PLCZ1: variants seen among roughly 807,000 people sequenced by gnomAD.
PLCZ1 encodes phospholipase C zeta 1, also known as 1-phosphatidylinositol 4,5-bisphosphate phosphodiesterase zeta-1.
In PLCZ1, 64 loss-of-function variants were observed where a neutral mutation model predicts 76.8. The ratio of observed to expected loss-of-function variants is 0.83; its 90% confidence interval spans 0.68 to 1.03. PLCZ1 has a LOEUF of 1.03. Among genes scored for constraint, PLCZ1 ranks in the 50% least tolerant of loss-of-function variants. PLCZ1 has a pLI of 0.00. For synonymous variants in PLCZ1, 248 were observed against 230.8 expected (o/e 1.07, Z -0.68); for missense variants, 751 against 713.7 (o/e 1.05, Z -0.60).
At chr12:18,722,781 C>A (rs1958514602) in intron 4 of PLCZ1, among the ~76,000 whole-genome samples, 1 of 151,800 alleles carries the variant, frequency 6.6e-6, no homozygotes, top group Non-Finnish European at 1.5e-5. Flanking sequence ...AAATGAAGAA[C>A]AAGCGAAAAG....
chr12:18,719,676 C>G, intron 4 of PLCZ1, 44 bp from the exon 5 acceptor site: 5 of 1,373,346 alleles, frequency 3.6e-6, no homozygotes, highest in Non-Finnish European at 5.0e-6. Context: ...GCAAAAATAC[C>G]ATTAGCAAGA....
At chr12:18,659,299 T>C in the PLCZ1 span, among the ~76,000 whole-genome samples, 2 of 152,266 alleles carry the variant, frequency 1.3e-5, no homozygotes, top group East Asian at 3.9e-4. Context: ...TCCCGTACAA[T>C]AGATGAGAAA....
intron 7 of PLCZ1, among the ~76,000 whole-genome samples, chr12:18,702,679 G>A (rs980476691): frequency 6.6e-6 from 1 of 152,112 alleles, no homozygotes; most frequent in African/African-American, 2.4e-5. Flanking sequence ...AAGTGCTTGG[G>A]AAAGGGACAA....
At chr12:18,709,055 G>C (rs1278965511) in intron 6 of PLCZ1, among the ~76,000 whole-genome samples, 1 of 152,020 alleles carries the variant, frequency 6.6e-6, no homozygotes, top group African/African-American at 2.4e-5. Context: ...TTTGTGATCT[G>C]AGCTTTTGAT....
chr12:18,686,659 A>G (rs1384843080), intron 13 of PLCZ1, among the ~76,000 whole-genome samples: 3 of 152,102 alleles, frequency 2.0e-5, no homozygotes, highest in Non-Finnish European at 4.4e-5. Context: ...CCCTTGGAGT[A>G]CAAATCTTTG....
At chr12:18,682,946 C>T (rs1487068), downstream of PLCZ1, among the ~76,000 whole-genome samples, 57,267 of 151,756 alleles carry the variant, frequency 0.38, 13,454 homozygotes, top group South Asian at 0.59. Context: ...ATTTCAAAAG[C>T]TTATAAATTC....
the PLCZ1 span, among the ~76,000 whole-genome samples, chr12:18,675,436 A>G: frequency 6.6e-6 from 1 of 152,190 alleles, no homozygotes; most frequent in East Asian, 1.9e-4. Context: ...GTAAATTAGT[A>G]CAACCTCTGT....
At chr12:18,719,748 T>C (rs1958328651) in intron 4 of PLCZ1, 116 bp from the exon 5 acceptor site, 1 of 657,390 alleles carries the variant, frequency 1.5e-6, no homozygotes, top group Non-Finnish European at 2.4e-6. Context: ...AAAATATTCC[T>C]TTAGAATTAA....
chr12:18,650,345 ATATG>A, the PLCZ1 span, among the ~76,000 whole-genome samples: 294 of 127,726 alleles, frequency 2.3e-3, 1 homozygote, highest in Middle Eastern at 3.9e-3. Flanking sequence ...ATATATATAT[ATATG>A]TGTGTGTGTG....
At chr12:18,648,105 A>G in the PLCZ1 span, 4 of 872,858 alleles carry the variant, frequency 4.6e-6, no homozygotes, top group Non-Finnish European at 5.0e-6. Context: ...TCACATAAGT[A>G]AGGCATCTTT....
the PLCZ1 span, among the ~76,000 whole-genome samples, chr12:18,650,712 CTATATATATATATATATA>C: frequency 1.4e-3 from 20 of 14,618 alleles, no homozygotes; most frequent in African/African-American, 1.7e-3. Context: ...GTGTATATAT[CTATATATATATATATATA>C]TATATATATA....
At chr12:18,704,237 T>G (rs1956300034) in intron 7 of PLCZ1, among the ~76,000 whole-genome samples, 2 of 152,166 alleles carry the variant, frequency 1.3e-5, no homozygotes, top group African/African-American at 4.8e-5. Context: ...ATGGGAACTT[T>G]CCTGTGAAGC....
At chr12:18,672,362 T>C in the PLCZ1 span, among the ~76,000 whole-genome samples, 4 of 152,170 alleles carry the variant, frequency 2.6e-5, no homozygotes, top group African/African-American at 9.7e-5. Context: ...GGTTTTTAAT[T>C]GTTTACTTTT....
the PLCZ1 span, among the ~76,000 whole-genome samples, chr12:18,655,464 T>C: frequency 6.6e-6 from 1 of 152,174 alleles, no homozygotes; most frequent in South Asian, 2.1e-4. Flanking sequence ...TCCTAATTAT[T>C]TATGGAGATG....
chr12:18,707,670 A>G (rs1447600394), intron 6 of PLCZ1, among the ~76,000 whole-genome samples: 1 of 152,128 alleles, frequency 6.6e-6, no homozygotes, highest in African/African-American at 2.4e-5. Flanking sequence ...AGACCAAGTT[A>G]TGACTTCCCT....
At chr12:18,695,716 G>T (rs530978275) in intron 11 of PLCZ1, among the ~76,000 whole-genome samples, 3 of 152,162 alleles carry the variant, frequency 2.0e-5, no homozygotes, top group Admixed American at 6.5e-5. Context: ...ATAAGAGTCT[G>T]GTGAGGGCAA....
At chr12:18,652,837 G>A in the PLCZ1 span, among the ~76,000 whole-genome samples, 104 of 152,100 alleles carry the variant, frequency 6.8e-4, 1 homozygote, top group East Asian at 0.016. Context: ...ACATTCAGTT[G>A]TCTCATAGCA....
the PLCZ1 span, among the ~76,000 whole-genome samples, chr12:18,662,255 C>T: frequency 1.3e-5 from 2 of 151,922 alleles, no homozygotes; most frequent in Non-Finnish European, 1.5e-5. Flanking sequence ...TACATCAAAC[C>T]CCTGCAACAT....
At chr12:18,662,911 C>T in the PLCZ1 span, among the ~76,000 whole-genome samples, 1 of 151,890 alleles carries the variant, frequency 6.6e-6, no homozygotes, top group African/African-American at 2.4e-5. Context: ...ATCAACTAAA[C>T]ACAAAAAGAC....
Sources: gnomAD v4.1 joint callset for allele counts (sites outside exome capture counted in the v4.1 genomes callset) on GRCh38, gnomAD v4.1.1 for gene constraint, MANE v1.5 for transcripts, NCBI Gene and HGNC (gene_info 2026-07-23, HGNC 2026-07-21) for gene names.